The following PLEKHA7 variants were observed in gnomAD, a reference collection of about 807,000 sequenced individuals.
PLEKHA7 encodes the protein pleckstrin homology domain-containing family A member 7.
PLEKHA7 carries 104 observed loss-of-function variants against 170.0 expected under a neutral mutation model. The ratio of observed to expected loss-of-function variants is 0.61; its 90% CI spans 0.52 to 0.72. The LOEUF is 0.72. PLEKHA7 is among the 30% of genes least tolerant of loss of function. The pLI is 0.00. For synonymous variants in PLEKHA7, 648 were observed against 660.8 expected (o/e 0.98, Z 0.30); for missense variants, 1,615 against 1,671.7 (o/e 0.97, Z 0.59).
intron 3 of PLEKHA7, among the ~76,000 whole-genome samples, chr11:16,957,703 T>A (rs951176369): frequency 3.0e-5 from 4 of 134,710 alleles, no homozygotes; most frequent in Non-Finnish European, 6.4e-5. Context: ...TTTTCTTTTT[T>A]TTTTTTTTTT....
intron 13 of PLEKHA7, among the ~76,000 whole-genome samples, chr11:16,806,577 C>T (rs1849005213): frequency 6.6e-6 from 1 of 152,218 alleles, no homozygotes; most frequent in Admixed American, 6.5e-5. Flanking sequence ...GCTTCTCGAT[C>T]TGCATCCTCC....
chr11:16,820,236 A>T (rs966943848), intron 10 of PLEKHA7, among the ~76,000 whole-genome samples: 1 of 152,162 alleles, frequency 6.6e-6, no homozygotes, highest in African/African-American at 2.4e-5. Flanking sequence ...TTAAAACTCA[A>T]CTCATTTAAT....
chr11:16,988,446 TC>T (rs1863858882), intron 3 of PLEKHA7, among the ~76,000 whole-genome samples: 1 of 152,162 alleles, frequency 6.6e-6, no homozygotes, highest in African/African-American at 2.4e-5. Flanking sequence ...CCTTCTTTCT[TC>T]CTTTCTTCCT....
chr11:16,979,181 T>C (rs576672570), intron 3 of PLEKHA7, among the ~76,000 whole-genome samples: 12 of 152,220 alleles, frequency 7.9e-5, no homozygotes, highest in South Asian at 4.2e-4. Context: ...ACAGGCGCGC[T>C]ACCACGCCTG....
At position 16,801,079 on chromosome 11, in the gene PLEKHA7, T is replaced by C. The variant is rs777620273; in HGVS notation, c.2308-4A>G. On this transcript the variant is annotated splice_region_variant and splice_polypyrimidine_tract_variant and intron_variant, in intron 16 of 26. Transcript: ENST00000531066. Reference sequence around the variant, plus strand: ...CGTTCCAAGCATTTTCCATCTCCTGTTGGCCAAGACAATGCTTCCGGTTCT... The same window carrying C: ...CGTTCCAAGCATTTTCCATCTCCTGCTGGCCAAGACAATGCTTCCGGTTCT... 6.2e-7 allele frequency: 1 copy of C among 1,613,552 alleles called. No homozygotes were observed. The highest frequency in any genetic ancestry group is 8.5e-7 in the Non-Finnish European group (1 of 1,179,424).
At chr11:16,861,423 C>T (rs1299363487) in intron 4 of PLEKHA7, among the ~76,000 whole-genome samples, 3 of 151,384 alleles carry the variant, frequency 2.0e-5, no homozygotes, top group Non-Finnish European at 4.4e-5. Flanking sequence ...CAGGCCAAGG[C>T]AAGCGGATCG....
chr11:16,913,778 G>C (rs1356958775), intron 3 of PLEKHA7, among the ~76,000 whole-genome samples: 1 of 152,182 alleles, frequency 6.6e-6, no homozygotes, highest in Admixed American at 6.5e-5. Context: ...TGTGCACAAT[G>C]GTCAGAAGCA....
chr11:16,869,248 A>C lies in PLEKHA7; in HGVS notation c.305+1851T>G, dbSNP rs1291944833. Among the ~76,000 whole-genome samples the C allele has an allele frequency of 2.6e-5, 4 of 152,204 alleles. No individual in the cohort carries two copies. The East Asian group carries it at 7.7e-4, about 29-fold the overall frequency. On this transcript the variant is annotated intron_variant, in intron 4 of 26. Coordinates refer to ENST00000531066, the MANE Select transcript of PLEKHA7 (RefSeq NM_001329630.2). ...CTTCCAAAGTCAGATTCCCAACCCC[A>C]GCCCCTGACTGTCATCTCCCATGGA...
At chr11:16,934,770 T>C (rs1319588641) in intron 3 of PLEKHA7, among the ~76,000 whole-genome samples, 1 of 152,234 alleles carries the variant, frequency 6.6e-6, no homozygotes, top group East Asian at 1.9e-4. Context: ...GGATATTAAA[T>C]GTTCAGATTC....
At chr11:16,862,916 G>A (rs963465446) in intron 4 of PLEKHA7, among the ~76,000 whole-genome samples, 3 of 151,956 alleles carry the variant, frequency 2.0e-5, no homozygotes, top group African/African-American at 7.3e-5. Flanking sequence ...GCTAGCCCAA[G>A]ACTGCCAGCA....
At chr11:16,820,926 G>C (rs368820061) in intron 10 of PLEKHA7, among the ~76,000 whole-genome samples, 3 of 152,326 alleles carry the variant, frequency 2.0e-5, no homozygotes, top group East Asian at 3.9e-4. Context: ...GACACAGGAG[G>C]AGGTGGTACT....
chr11:16,786,424 C>G, intron 23 of PLEKHA7, 37 bp from the exon 24 acceptor site: 1 of 1,534,148 alleles, frequency 6.5e-7, no homozygotes, highest in Admixed American at 2.0e-5. Flanking sequence ...TAGTCGCTTC[C>G]TGATTGCTGA....
intron 3 of PLEKHA7, among the ~76,000 whole-genome samples, chr11:16,945,783 T>C (rs1590687229): frequency 6.6e-6 from 1 of 152,170 alleles, no homozygotes; most frequent in Admixed American, 6.5e-5. Context: ...GAGGCAGTAA[T>C]GCCATATTAA....
At chr11:16,809,991 G>A (rs1380820078) in intron 13 of PLEKHA7, among the ~76,000 whole-genome samples, 1 of 151,966 alleles carries the variant, frequency 6.6e-6, no homozygotes, top group Non-Finnish European at 1.5e-5. Context: ...ATGGAATACT[G>A]AGTAGGGAAG....
At chr11:16,987,415 A>C (rs916112800) in intron 3 of PLEKHA7, among the ~76,000 whole-genome samples, 4 of 152,152 alleles carry the variant, frequency 2.6e-5, no homozygotes, top group Non-Finnish European at 4.4e-5. Context: ...TTTCCTCCTT[A>C]AGACAGAACA....
intron 3 of PLEKHA7, among the ~76,000 whole-genome samples, chr11:16,897,568 A>G (rs1857073547): frequency 6.6e-6 from 1 of 152,160 alleles, no homozygotes; most frequent in African/African-American, 2.4e-5. Context: ...TAAGTACACA[A>G]GGCTTTAAAT....
At position 16,791,438 on chromosome 11, in the gene PLEKHA7, A is replaced by G. The variant is rs1187842575; in HGVS notation, c.2746-239T>C. 1.6e-6 allele frequency: 1 copy of G among 629,872 alleles called. No homozygotes were observed. Among genetic ancestry groups the G allele is most frequent in the Non-Finnish European group, 2.9e-6 (1 of 347,160 alleles). The allele number at this position is 629,872 out of a possible 1,614,324, so 39.0% of individuals were successfully genotyped here. ...TTCTATTCCTCCAAGTGTTACCTGT[A>G]TAACTGTGTCCTGAAACCCAGGACT... is the stretch of plus-strand genomic sequence containing the variant. On this transcript the variant is annotated intron_variant, in intron 19 of 26. Coordinates refer to ENST00000531066, the MANE Select transcript of PLEKHA7 (RefSeq NM_001329630.2). This position sits in a 1 kb window ranked among gnomAD's most constrained non-coding sequence, Gnocchi z 4.5.
rs1468048025 is a variant in PLEKHA7, at chr11:16,826,467, A to G, written c.996T>C (p.Ile332=). 1 of 1,614,078 alleles carries G rather than the reference A, an allele frequency of 6.2e-7. No homozygotes were observed. Among genetic ancestry groups the G allele is most frequent in the African/African-American group, 1.3e-5 (1 of 74,906 alleles). The change falls in exon 10 of 27, where the codon ATT becomes ATC. Residue 332 remains isoleucine (I), a synonymous_variant. Coordinates refer to ENST00000531066, the MANE Select transcript of PLEKHA7 (RefSeq NM_001329630.2). ...CCTGCTCCTGCCTCTCGAAGTTGAC[A>G]ATGTCATCATGGCCACGATGAGGAC... is the stretch of plus-strand genomic sequence containing the variant. ...RDCPHRGHDD[I]VNFERQEQEG... is the part of the protein sequence containing the mutation.
intron 4 of PLEKHA7, among the ~76,000 whole-genome samples, chr11:16,857,643 T>C (rs1853579185): frequency 6.6e-6 from 1 of 152,272 alleles, no homozygotes; most frequent in African/African-American, 2.4e-5. Flanking sequence ...GCTTCAGTTA[T>C]GGCAGCTGTA....
Sources: allele counts gnomAD v4.1 joint callset (sites outside exome capture counted in the v4.1 genomes callset), GRCh38; gene constraint gnomAD v4.1.1; non-coding constraint Gnocchi (gnomAD v3.1); transcripts MANE v1.5; gene names NCBI Gene and HGNC (gene_info 2026-07-23, HGNC 2026-07-21).